The following SDK1 variants were observed in gnomAD, a reference collection of about 807,000 sequenced individuals.
SDK1 encodes sidekick cell adhesion molecule 1, also known as protein sidekick-1.
SDK1 carries 157 observed loss-of-function variants against 245.5 expected under a neutral mutation model. The observed-to-expected ratio is 0.64, with a 90% CI of 0.56 to 0.73. The LOEUF is 0.73. SDK1 is among the 30% of genes least tolerant of loss of function. The pLI is 0.00. For missense variants in SDK1, 3,583 were observed against 3,002.3 expected (o/e 1.19, Z -4.52); for synonymous variants, 1,647 against 1,278.5 (o/e 1.29, Z -6.15).
chr7:3,935,473 C>T (rs1191303938), intron 5 of SDK1, among the ~76,000 whole-genome samples: 1 of 152,160 alleles, frequency 6.6e-6, no homozygotes, highest in African/African-American at 2.4e-5. Flanking sequence ...ATTTGCAAAT[C>T]ACATATATAA....
intron 5 of SDK1, among the ~76,000 whole-genome samples, chr7:3,907,348 T>C (rs1214169356): frequency 6.6e-6 from 1 of 152,246 alleles, no homozygotes; most frequent in Non-Finnish European, 1.5e-5. Context: ...TGAATTTGCA[T>C]ATTCGAAATA....
At chr7:4,034,359 A>G (rs945896863) in intron 17 of SDK1, among the ~76,000 whole-genome samples, 1 of 152,204 alleles carries the variant, frequency 6.6e-6, no homozygotes, top group African/African-American at 2.4e-5. Context: ...TCATGTGTCA[A>G]TGCCGACGTC....
chr7:3,460,585 C>A (rs192920407), intron 1 of SDK1, among the ~76,000 whole-genome samples: 2 of 152,122 alleles, frequency 1.3e-5, no homozygotes, highest in African/African-American at 4.8e-5. Flanking sequence ...TTCACAGATT[C>A]CAGATTTAAT....
intron 1 of SDK1, among the ~76,000 whole-genome samples, chr7:3,485,627 C>CTTGTA (rs1436185500): frequency 1.8e-5 from 2 of 112,260 alleles, no homozygotes; most frequent in East Asian, 5.3e-4. Flanking sequence ...AAAATGCTTT[C>CTTGTA]TTGTATGGAT....
Position 4,178,541 on chromosome 7 carries a change from G to A in SDK1, c.5053G>A (p.Glu1685Lys), listed in dbSNP as rs866887440. 4 of 1,613,720 alleles carry A rather than the reference G, an allele frequency of 2.5e-6. No homozygotes were observed. The highest frequency in any genetic ancestry group is 2.5e-6 in the Non-Finnish European group (3 of 1,180,010). ...AATGACCGCCTATAACATCATCGGCGAGAGCCCAGCCAGCGCGCCCGTGGA... is the reference window on the plus strand; with the variant it reads ...AATGACCGCCTATAACATCATCGGCAAGAGCCCAGCCAGCGCGCCCGTGGA... ...VIMTAYNIIGESPASAPVEVF... is the reference protein window; with the variant it reads ...VIMTAYNIIGKSPASAPVEVF... Residue 1685 changes from glutamate (E) to lysine (K), a missense_variant, in exon 35 of 45, where the codon GAG becomes AAG. Transcript: ENST00000404826.
intron 5 of SDK1, among the ~76,000 whole-genome samples, chr7:3,918,863 C>T (rs1326805965): frequency 6.6e-6 from 1 of 152,114 alleles, no homozygotes; most frequent in Non-Finnish European, 1.5e-5. Flanking sequence ...CATGGCTTCT[C>T]ACACTCTATT....
At position 4,023,010 on chromosome 7, in the gene SDK1, G is replaced by A. The variant is rs144381060; in HGVS notation, c.2602+5658G>A. On this transcript the variant is annotated intron_variant, in intron 17 of 44. Coordinates refer to ENST00000404826, the MANE Select transcript of SDK1 (RefSeq NM_152744.4). ...AGGATGGTCTCGATCTCCTGACCTC[G>A]TGATCCGCCTGCCTCGGCCTCCCAA... is the stretch of plus-strand genomic sequence containing the variant. Among the ~76,000 whole-genome samples the A allele has an allele frequency of 6.5e-3, 983 of 152,058 alleles. 15 individuals are homozygous for A. Among genetic ancestry groups the A allele is most frequent in the African/African-American group, 0.023 (940 of 41,480 alleles).
At chr7:4,185,856 G>T (rs928621932) in intron 35 of SDK1, among the ~76,000 whole-genome samples, 6 of 135,488 alleles carry the variant, frequency 4.4e-5, no homozygotes, top group Admixed American at 3.2e-4. Context: ...AGGAAGGAAA[G>T]AAGGGAGGGA....
intron 1 of SDK1, among the ~76,000 whole-genome samples, chr7:3,381,408 G>T (rs1477834658): frequency 6.6e-6 from 1 of 152,046 alleles, no homozygotes; most frequent in East Asian, 1.9e-4. Context: ...GTGACTGTGG[G>T]CTGCATGGTG....
intron 1 of SDK1, among the ~76,000 whole-genome samples, chr7:3,394,890 T>C (rs1258905777): frequency 6.6e-6 from 1 of 152,108 alleles, no homozygotes; most frequent in African/African-American, 2.4e-5. Flanking sequence ...AAATTAGTTC[T>C]AATAGTTTTT....
At position 4,132,341 on chromosome 7, in the gene SDK1, G is replaced by A; in HGVS notation, c.4146G>A (p.Val1382=). 1 of 1,611,962 alleles carries A rather than the reference G, an allele frequency of 6.2e-7. No homozygotes were observed. The highest frequency in any genetic ancestry group is 8.5e-7 in the Non-Finnish European group (1 of 1,178,552). ...RTKDDAPGPP[V]RLVFPEVRLT... is the part of the protein sequence containing the mutation. The stretch of plus-strand genomic sequence containing the variant: ...TCCCTTCAGCCCCAGGCCCACCAGT[G>A]AGGCTCGTGTTCCCCGAAGTGAGAC... Residue 1382 remains valine, a synonymous_variant, in exon 28 of 45, where the codon GTG becomes GTA. Transcript: ENST00000404826.
At chr7:3,651,845 G>A (rs937274676) in intron 4 of SDK1, among the ~76,000 whole-genome samples, 1 of 152,160 alleles carries the variant, frequency 6.6e-6, no homozygotes, top group Non-Finnish European at 1.5e-5. Flanking sequence ...AGAGAACAGA[G>A]GGGAATGATG....
intron 1 of SDK1, among the ~76,000 whole-genome samples, chr7:3,519,347 C>A (rs1327589670): frequency 6.6e-6 from 1 of 152,006 alleles, no homozygotes; most frequent in East Asian, 1.9e-4. Flanking sequence ...TTACCCATTA[C>A]TATATATTGT....
At chr7:3,475,276 CCT>C (rs942740316) in intron 1 of SDK1, among the ~76,000 whole-genome samples, 5 of 152,152 alleles carry the variant, frequency 3.3e-5, no homozygotes, top group Admixed American at 2.6e-4. Context: ...CTTGTTCTCC[CCT>C]CTGTCTGGAA....
intron 1 of SDK1, among the ~76,000 whole-genome samples, chr7:3,375,716 C>T (rs543873215): frequency 3.9e-5 from 6 of 152,244 alleles, no homozygotes; most frequent in Admixed American, 3.3e-4. Context: ...ACTTGCCTGC[C>T]ATGTGGGTGA....
At position 4,015,029 on chromosome 7, in the gene SDK1, A is replaced by C. The variant is rs116611076; in HGVS notation, c.2421-2142A>C. Among the ~76,000 whole-genome samples the C allele has an allele frequency of 1.2e-3, 175 of 152,130 alleles. 1 individual carries two copies. Among genetic ancestry groups the C allele is most frequent in the African/African-American group, 4.0e-3 (168 of 41,542 alleles). ...GTGTAGTTCCTTATAACTCATAGTT[A>C]TCTCTACCATACTTCTCGGTAGAAG... On this transcript the variant is annotated intron_variant, in intron 16 of 44. Transcript: ENST00000404826.
At chr7:3,338,156 C>T (rs1242816556) in intron 1 of SDK1, 4 of 227,646 alleles carry the variant, frequency 1.8e-5, no homozygotes, top group African/African-American at 4.6e-5. Flanking sequence ...AAGGGAGAGG[C>T]ACCTGGTATG....
chr7:4,099,054 C>A (rs557296927), intron 22 of SDK1, among the ~76,000 whole-genome samples: 1 of 151,866 alleles, frequency 6.6e-6, no homozygotes, highest in South Asian at 2.1e-4. Context: ...TATGTGAAAG[C>A]AAATGAGTGA....
At chr7:3,510,247 C>G (rs1405268341) in intron 1 of SDK1, among the ~76,000 whole-genome samples, 2 of 152,164 alleles carry the variant, frequency 1.3e-5, no homozygotes, top group Non-Finnish European at 2.9e-5. Context: ...GGTGAGGAAG[C>G]CAGCCTGCCT....
Sources: gnomAD v4.1 joint callset for allele counts (sites outside exome capture counted in the v4.1 genomes callset) on GRCh38, gnomAD v4.1.1 for gene constraint, MANE v1.5 for transcripts, NCBI Gene and HGNC (gene_info 2026-07-23, HGNC 2026-07-21) for gene names.